The following DNAAF4 variants were observed in gnomAD, a reference collection of about 807,000 sequenced individuals.
The protein encoded by DNAAF4 is dynein assembly factor 4, axonemal.
Under a neutral mutation model 51.8 loss-of-function variants are expected in DNAAF4, and 43 were observed. The ratio of observed to expected loss-of-function variants is 0.83; its 90% CI spans 0.65 to 1.07. The LOEUF (loss-of-function observed/expected upper bound fraction) is 1.07, where lower values mean the gene tolerates loss of function less well. DNAAF4 is among the 50% of genes least tolerant of loss of function. The probability of loss-of-function intolerance (pLI) is 0.00; values close to 1 mark genes in which losing one functional copy is unlikely to be tolerated. For synonymous variants in DNAAF4, 194 were observed against 165.6 expected, an observed-to-expected ratio of 1.17 and a Z score of -1.32; for missense variants, 581 against 493.0, an observed-to-expected ratio of 1.18 and a Z score of -1.69.
At chr15:55,424,547 T>C (rs1380332591) in intron 7 of DNAAF4, among the ~76,000 whole-genome samples, 2 of 152,206 alleles carry the variant, frequency 1.3e-5, no homozygotes, top group Admixed American at 6.5e-5. Flanking sequence ...AAACTCTAGA[T>C]AGGCTCCTGT....
At chr15:55,485,665 G>A (rs1217794115) in intron 4 of DNAAF4, among the ~76,000 whole-genome samples, 1 of 152,070 alleles carries the variant, frequency 6.6e-6, no homozygotes, top group African/African-American at 2.4e-5. Context: ...CAAGATAGAA[G>A]TGGGTAATGT....
downstream of DNAAF4, among the ~76,000 whole-genome samples, chr15:55,425,409 T>G (rs79841629): frequency 0.037 from 5,558 of 152,270 alleles, 102 homozygotes; most frequent in African/African-American, 0.05. Flanking sequence ...CTGACCACCT[T>G]CATTACCCAA....
chr15:55,432,321 T>A (rs890539031), intron 9 of DNAAF4, among the ~76,000 whole-genome samples, 176 bp downstream of exon 9: 5 of 152,222 alleles, frequency 3.3e-5, no homozygotes, highest in African/African-American at 7.2e-5. Context: ...ATGAATTTTT[T>A]AAATATAATT....
chr15:55,491,577 T>C (rs1268972292), intron 3 of DNAAF4, among the ~76,000 whole-genome samples: 2 of 149,246 alleles, frequency 1.3e-5, no homozygotes, highest in African/African-American at 2.5e-5. Flanking sequence ...CTTCCTTCTC[T>C]GTTAAGAAAC....
At chr15:55,426,371 G>C (rs2057430785), downstream of DNAAF4, among the ~76,000 whole-genome samples, 1 of 152,152 alleles carries the variant, frequency 6.6e-6, no homozygotes, top group Non-Finnish European at 1.5e-5. Flanking sequence ...GGAAGGAAAA[G>C]GTTTTGGAGA....
intron 7 of DNAAF4, among the ~76,000 whole-genome samples, chr15:55,418,956 G>C (rs1192334834): frequency 1.6e-5 from 2 of 125,430 alleles, no homozygotes; most frequent in African/African-American, 6.0e-5. Flanking sequence ...TTGGAGTCTC[G>C]CTCTGTCGCC....
At chr15:55,480,385 G>A (rs117024060) in intron 4 of DNAAF4, among the ~76,000 whole-genome samples, 7,627 of 152,052 alleles carry the variant, frequency 0.05, 267 homozygotes, top group Non-Finnish European at 0.081. Context: ...CTGTAGCAGG[G>A]ACCTTAACCA....
intron 6 of DNAAF4, among the ~76,000 whole-genome samples, chr15:55,440,218 A>G (rs2057686304): frequency 6.6e-6 from 1 of 151,072 alleles, no homozygotes; most frequent in African/African-American, 2.4e-5. Context: ...ATGCCTGGCT[A>G]ATTTTTGTAT....
At chr15:55,427,060 GTTTT>G (rs199888867), downstream of DNAAF4, among the ~76,000 whole-genome samples, 15 of 150,844 alleles carry the variant, frequency 9.9e-5, no homozygotes, top group Middle Eastern at 3.4e-3. Flanking sequence ...GAGTTTTTTT[GTTTT>G]TTTTTGTTTG....
intron 5 of DNAAF4, among the ~76,000 whole-genome samples, chr15:55,458,040 G>C (rs917672553): frequency 2.6e-4 from 40 of 152,278 alleles, no homozygotes; most frequent in African/African-American, 8.9e-4. Context: ...CTGAACAGTA[G>C]CCCTTGAGTT....
chr15:55,457,433 TA>T (rs2058036642), intron 5 of DNAAF4, among the ~76,000 whole-genome samples: 1 of 152,096 alleles, frequency 6.6e-6, no homozygotes, highest in African/African-American at 2.4e-5. Context: ...CAGACCCAAC[TA>T]ACCTTGCCCC....
At chr15:55,458,602 T>A (rs1209276904) in intron 5 of DNAAF4, among the ~76,000 whole-genome samples, 3 of 152,186 alleles carry the variant, frequency 2.0e-5, no homozygotes, top group African/African-American at 4.8e-5. Flanking sequence ...AATCTAAAAG[T>A]TTGGAAAACA....
At chr15:55,499,064 T>G (rs1388522170) in intron 1 of DNAAF4, among the ~76,000 whole-genome samples, 1 of 152,044 alleles carries the variant, frequency 6.6e-6, no homozygotes, top group Non-Finnish European at 1.5e-5. Context: ...TGGTGCAGTG[T>G]CTTGTCTGTT....
At chr15:55,506,953 G>A (rs1274186585) in intron 1 of DNAAF4, among the ~76,000 whole-genome samples, 2 of 152,052 alleles carry the variant, frequency 1.3e-5, no homozygotes, top group South Asian at 2.1e-4. Context: ...AGGTTCAAGC[G>A]ATTCTCCTGT....
downstream of DNAAF4, among the ~76,000 whole-genome samples, chr15:55,428,799 T>G: frequency 6.6e-6 from 1 of 151,938 alleles, no homozygotes; most frequent in South Asian, 2.1e-4. Context: ...CCAGCCTCTT[T>G]CACTGTCTTA....
At chr15:55,435,590 A>C (rs184662037) in intron 7 of DNAAF4, among the ~76,000 whole-genome samples, 109 of 152,330 alleles carry the variant, frequency 7.2e-4, no homozygotes, top group African/African-American at 2.5e-3. Context: ...CTGCTGGATC[A>C]AGCTTTACTT....
At chr15:55,418,938 TGAGTGAG>T (rs1566993143) in intron 7 of DNAAF4, among the ~76,000 whole-genome samples, 45 of 138,230 alleles carry the variant, frequency 3.3e-4, no homozygotes, top group Non-Finnish European at 3.6e-4. Context: ...TTTTTTTTTT[TGAGTGAG>T]TTGGAGTCTC....
At chr15:55,479,722 T>C (rs1202032796) in intron 4 of DNAAF4, among the ~76,000 whole-genome samples, 4 of 152,266 alleles carry the variant, frequency 2.6e-5, no homozygotes, top group Admixed American at 6.5e-5. Context: ...AATGTGTTCC[T>C]AGGCGGAGGT....
At chr15:55,468,884 G>C (rs1232135865) in intron 4 of DNAAF4, among the ~76,000 whole-genome samples, 1 of 152,156 alleles carries the variant, frequency 6.6e-6, no homozygotes, top group Non-Finnish European at 1.5e-5. Flanking sequence ...AAATAGTCCA[G>C]CTCTTCAGAG....
Sources: allele counts gnomAD v4.1 joint callset (sites outside exome capture counted in the v4.1 genomes callset), GRCh38; gene constraint gnomAD v4.1.1; transcripts MANE v1.5; gene names NCBI Gene and HGNC (gene_info 2026-07-23, HGNC 2026-07-21).